Variants in RFX1 observed in about 807,000 individuals in gnomAD.
The protein encoded by RFX1 is MHC class II regulatory factor RFX1.
A neutral mutation model predicts 119.6 loss-of-function variants in RFX1; 42 were observed. That is an observed-to-expected ratio of 0.35 (90% confidence interval 0.27 to 0.45). The LOEUF (loss-of-function observed/expected upper bound fraction) is 0.45. RFX1 is among the 20% of genes least tolerant of loss of function. The pLI is 1.00. For synonymous variants in RFX1, 628 were observed against 618.5 expected, an observed-to-expected ratio of 1.02 and a Z score of -0.23; for missense variants, 1,118 against 1,368.1, an observed-to-expected ratio of 0.82 and a Z score of 2.88.
intron 3 of RFX1, 78 bp downstream of exon 3, chr19:13,983,408 G>A (rs1189244458): frequency 8.6e-6 from 11 of 1,282,902 alleles, no homozygotes. Flanking sequence ...GGGGAGGGGA[G>A]GTGAGGCCCC....
At position 13,977,671 on chromosome 19, in the gene RFX1, C is replaced by A. The variant is rs1974289978; in HGVS notation, c.929+321G>T. Among the ~76,000 whole-genome samples, 4 of 152,166 alleles carry A rather than the reference C, an allele frequency of 2.6e-5. No individual in the cohort carries two copies. The South Asian group carries it at 8.3e-4, about 32-fold the overall frequency. On this transcript the variant is annotated intron_variant, in intron 8 of 20. Transcript: ENST00000254325. ...ACCTCAAGTGATCTGCCCGCTTAGG[C>A]CTCCCAAAGTGCTGGGATTACAGGC...
At position 13,965,454 on chromosome 19, in the gene RFX1, C is replaced by T. The variant is rs377533889; in HGVS notation, c.2206G>A (p.Val736Met). 7 of 1,613,558 alleles carry T rather than the reference C, an allele frequency of 4.3e-6. No homozygotes were observed. Among genetic ancestry groups the T allele is most frequent in the South Asian group, 1.1e-5 (1 of 91,080 alleles). ...MVNIPEEMLR[V>M]KVAAAGAFAQ... ...GGACCCCCTCACACTCTCACCTTCA[C>T]CCGCAGCATCTCCTCGGGGATGTTG... The change falls in exon 16 of 21, where the codon GTG becomes ATG. Residue 736 changes from valine (V) to methionine (M), a missense_variant. This residue lies in a region of RFX1 where 338 missense variants were observed against 508.9 expected (regional missense o/e 0.66). Coordinates refer to ENST00000254325, the MANE Select transcript of RFX1 (RefSeq NM_002918.5). This position sits in a 1 kb window ranked among gnomAD's most constrained non-coding sequence, Gnocchi z 4.7.
chr19:13,970,418 T>C (rs1012640831), intron 9 of RFX1, among the ~76,000 whole-genome samples: 2 of 152,076 alleles, frequency 1.3e-5, no homozygotes, highest in African/African-American at 4.8e-5. Context: ...CTCACCCCTT[T>C]AGTTCCAGCA....
At chr19:13,988,173 C>T (rs1974672904) in intron 2 of RFX1, among the ~76,000 whole-genome samples, 1 of 152,102 alleles carries the variant, frequency 6.6e-6, no homozygotes, top group Non-Finnish European at 1.5e-5. Flanking sequence ...GCTACAGGCA[C>T]ACGCCAACAC....
At chr19:14,004,047 T>C (rs905172114) in intron 1 of RFX1, among the ~76,000 whole-genome samples, 4 of 152,154 alleles carry the variant, frequency 2.6e-5, no homozygotes, top group African/African-American at 9.6e-5. Context: ...TAGCTGGGAT[T>C]ACAGGCATGT....
chr19:13,966,845 TC>T lies in RFX1; in HGVS notation c.1733-95del. The T allele has an allele frequency of 2.4e-6, 2 of 839,116 alleles. No individual in the cohort carries two copies. The highest frequency in any genetic ancestry group is 1.9e-6 in the Non-Finnish European group (1 of 539,052). The allele number at this position is 839,116 out of a possible 1,614,324, so 52.0% of individuals were successfully genotyped here. A position where few individuals can be genotyped will look rare whatever the true frequency, so the allele number is the denominator to read the frequency against. On this transcript the variant is annotated intron_variant, in intron 12 of 20. Coordinates refer to ENST00000254325, the MANE Select transcript of RFX1 (RefSeq NM_002918.5). This position sits in a 1 kb window ranked among gnomAD's most constrained non-coding sequence, Gnocchi z 6.3. ...CTGTCCGTTTCCCATCAGACTGGGG[TC>T]CCCCATGTGCCGGTGAGACAACGCT...
intron 2 of RFX1, among the ~76,000 whole-genome samples, chr19:13,988,754 C>G (rs1974699383): frequency 6.6e-6 from 1 of 152,192 alleles, no homozygotes; most frequent in Admixed American, 6.5e-5. Context: ...GGCGCAGTGG[C>G]TCACACCTAT....
In RFX1 at chr19:13,963,187, A is replaced by G; in HGVS notation, c.2659T>C (p.Tyr887His). The G allele has an allele frequency of 2.5e-6, 4 of 1,612,686 alleles. No homozygotes were observed. The highest frequency in any genetic ancestry group is 2.2e-5 in the East Asian group (1 of 44,840). The stretch of plus-strand genomic sequence containing the variant: ...GCTACGCGGTGCTCGATCAGGTAGT[A>G]CATGTACTCGTCGTAGAGCAGCCGG... ...LIRLLYDEYMYYLIEHRVAQA... is the reference protein window; with the variant it reads ...LIRLLYDEYMHYLIEHRVAQA... Residue 887 changes from tyrosine (Y) to histidine (H), a missense_variant, in exon 19 of 21, where the codon TAC becomes CAC. Physicochemically the swap from Tyr to His is moderately conservative, Grantham distance 83. Transcript: ENST00000254325.
At chr19:13,994,852 C>A in intron 1 of RFX1, among the ~76,000 whole-genome samples, 1 of 129,714 alleles carries the variant, frequency 7.7e-6, no homozygotes, top group African/African-American at 2.9e-5. Flanking sequence ...CATATATGTA[C>A]ACATGTATAT....
intron 1 of RFX1, among the ~76,000 whole-genome samples, chr19:14,000,932 C>A (rs1975195463): frequency 6.6e-6 from 1 of 151,334 alleles, no homozygotes; most frequent in Non-Finnish European, 1.5e-5. Flanking sequence ...TCCATCTCGA[C>A]AAAAAAATTT....
chr19:13,963,834 C>T, intron 17 of RFX1, 24 bp downstream of exon 17: 3 of 1,494,070 alleles, frequency 2.0e-6, no homozygotes, highest in Non-Finnish European at 1.8e-6. Context: ...CTCATTCGCC[C>T]GCCCCGCCCC....
chr19:13,969,955 A>G lies in RFX1; in HGVS notation c.1496+39T>C. The G allele has an allele frequency of 6.4e-7, 1 of 1,559,636 alleles. No individual in the cohort carries two copies. The highest frequency in any genetic ancestry group is 1.8e-5 in the Admixed American group (1 of 54,314). On this transcript the variant is annotated intron_variant, in intron 10 of 20. Coordinates refer to ENST00000254325, the MANE Select transcript of RFX1 (RefSeq NM_002918.5). This position sits in a 1 kb window ranked among gnomAD's most constrained non-coding sequence, Gnocchi z 4.5. ...GGGGTGGGCCTTGGCATGCCCACCA[A>G]TTCCCCAGGGACTGCTGGGAGTAGA... is the stretch of plus-strand genomic sequence containing the variant.
intron 2 of RFX1, among the ~76,000 whole-genome samples, chr19:13,991,298 G>A (rs1392101251): frequency 1.1e-4 from 17 of 152,138 alleles, no homozygotes; most frequent in Admixed American, 1.1e-3. Flanking sequence ...TGGGGCAGAG[G>A]GAGAATGGGT....
At chr19:13,984,502 A>G (rs887787017) in intron 2 of RFX1, among the ~76,000 whole-genome samples, 1 of 152,074 alleles carries the variant, frequency 6.6e-6, no homozygotes, top group Admixed American at 6.5e-5. Context: ...GTCAAATTTC[A>G]TGCACATCTT....
At chr19:13,987,856 G>A (rs1274159160) in intron 2 of RFX1, among the ~76,000 whole-genome samples, 1 of 152,120 alleles carries the variant, frequency 6.6e-6, no homozygotes, top group Admixed American at 6.6e-5. Flanking sequence ...TGGACAGCAG[G>A]GTTGCTACAG....
chr19:13,997,308 G>A (rs1975066706), intron 1 of RFX1, among the ~76,000 whole-genome samples: 1 of 152,208 alleles, frequency 6.6e-6, no homozygotes, highest in Non-Finnish European at 1.5e-5. Context: ...AGCCCTGGAC[G>A]GGGATGGATG....
In RFX1 at chr19:13,968,732, C is replaced by A. The variant is rs754579828; in HGVS notation, c.1616+43G>T. ...GCTGCTGGGGGCCGGCCTGTGTGCC[C>A]TTCCCCGCCTGCCCTGCCCTGGGTC... is the stretch of plus-strand genomic sequence containing the variant. On this transcript the variant is annotated intron_variant, in intron 11 of 20. Transcript: ENST00000254325. This position sits in a 1 kb window ranked among gnomAD's most constrained non-coding sequence, Gnocchi z 5.5. 2 of 1,607,690 alleles carry A rather than the reference C, an allele frequency of 1.2e-6. No individual in the cohort carries two copies. The highest frequency in any genetic ancestry group is 1.7e-6 in the Non-Finnish European group (2 of 1,177,728).
At chr19:13,993,244 G>C (rs970306668) in intron 2 of RFX1, among the ~76,000 whole-genome samples, 3 of 152,164 alleles carry the variant, frequency 2.0e-5, no homozygotes, top group Non-Finnish European at 4.4e-5. Flanking sequence ...GCTGTGAGCT[G>C]TGATTGTGCC....
At position 13,996,467 on chromosome 19, in the gene RFX1, G is replaced by A. The variant is rs564455310; in HGVS notation, c.-52-2572C>T. On this transcript the variant is annotated intron_variant, in intron 1 of 20. Transcript: ENST00000254325. ...AGGGTGACCCTCAAAGGAAGGAGGA[G>A]GTAAAAAACAACTGCTGTTGGTTGA... is the stretch of plus-strand genomic sequence containing the variant. Among the ~76,000 whole-genome samples, 35 of 152,310 alleles carry A rather than the reference G, an allele frequency of 2.3e-4. No homozygotes were observed. The South Asian group carries it at 6.8e-3, about 30-fold the overall frequency.
Sources: gnomAD v4.1 joint callset for allele counts (sites outside exome capture counted in the v4.1 genomes callset) on GRCh38, gnomAD v4.1.1 for gene constraint, gnomAD v4.1.1 regional missense constraint, Gnocchi (gnomAD v3.1) non-coding constraint, MANE v1.5 for transcripts, NCBI Gene and HGNC (gene_info 2026-07-23, HGNC 2026-07-21) for gene names.